The following SASH1 variants were observed in gnomAD, a reference collection of about 807,000 sequenced individuals.
SASH1 encodes the protein SAM and SH3 domain-containing protein 1.
A neutral mutation model predicts 125.2 loss-of-function variants in SASH1; 44 were observed. The ratio of observed to expected loss-of-function variants is 0.35; its 90% CI spans 0.28 to 0.45. The LOEUF (loss-of-function observed/expected upper bound fraction) is 0.45, where lower values mean the gene tolerates loss of function less well. SASH1 is among the 20% of genes least tolerant of loss of function. The probability of loss-of-function intolerance (pLI) is 1.00; values close to 1 mark genes in which losing one functional copy is unlikely to be tolerated. For synonymous variants in SASH1, 639 were observed against 649.1 expected, an observed-to-expected ratio of 0.98 and a Z score of 0.24; for missense variants, 1,426 against 1,614.5, an observed-to-expected ratio of 0.88 and a Z score of 2.00.
In SASH1 at chr6:148,453,684, G is replaced by A. The variant is rs181951255; in HGVS notation, c.386+13277G>A. Among the ~76,000 whole-genome samples, 12 of 152,302 alleles carry A rather than the reference G, an allele frequency of 7.9e-5. 1 individual carries two copies. Among genetic ancestry groups the A allele is most frequent in the Admixed American group, 5.2e-4 (8 of 15,304 alleles). On this transcript the variant is annotated intron_variant, in intron 4 of 19. Transcript: ENST00000367467. ...TAATTTGATAAGCATTTATCCAGCA[G>A]TAAGCCCTGGAAAGATGAGTAAGAT...
At chr6:148,227,046 C>T in the SASH1 span, among the ~76,000 whole-genome samples, 1 of 152,096 alleles carries the variant, frequency 6.6e-6, no homozygotes, top group Non-Finnish European at 1.5e-5. Context: ...GTTGGGGAGG[C>T]AACAATACCA....
chr6:148,412,157 A>G (rs2114912511), intron 2 of SASH1, among the ~76,000 whole-genome samples: 1 of 152,240 alleles, frequency 6.6e-6, no homozygotes, highest in South Asian at 2.1e-4. Context: ...TTTTTTTGCA[A>G]ATCAGAAGCA....
Position 148,287,697 on chromosome 6 carries a change from G to T in SASH1, n.74+15320G>T, listed in dbSNP as rs1455955427. ...GTAATCAGTGCGTGCGTGTGTGTGG[G>T]GGGGTGGGGGGTGGTATTCCTCTGT... On this transcript the variant is annotated intron_variant and non_coding_transcript_variant, in intron 1 of 3. Transcript: ENST00000367469. Among the ~76,000 whole-genome samples the T allele has an allele frequency of 1.3e-4, 11 of 84,510 alleles. No individual in the cohort carries two copies. The South Asian group carries it at 1.4e-3, about 11-fold the overall frequency. The allele number at this position is 84,510 out of a possible 152,430, so 55.4% of individuals were successfully genotyped here.
At chr6:148,280,343 T>A (rs1412007702) in intron 1 of SASH1, 1 of 152,082 alleles carries the variant, frequency 6.6e-6, no homozygotes, top group Non-Finnish European at 1.5e-5. Flanking sequence ...GCTATTCACC[T>A]GTCAGAGTTC....
intron 1 of SASH1, among the ~76,000 whole-genome samples, chr6:148,287,085 G>A (rs1779500452): frequency 6.6e-6 from 1 of 152,116 alleles, no homozygotes; most frequent in Non-Finnish European, 1.5e-5. Context: ...TGCCGTTCTT[G>A]CCCCAGGTCT....
chr6:148,464,774 A>G (rs970820558), intron 4 of SASH1, among the ~76,000 whole-genome samples: 5 of 152,180 alleles, frequency 3.3e-5, no homozygotes, highest in African/African-American at 1.2e-4. Flanking sequence ...GATTCAACGT[A>G]AAATTCAAAG....
intron 2 of SASH1, among the ~76,000 whole-genome samples, chr6:148,429,773 CAAAA>C (rs1353519358): frequency 1.4e-5 from 2 of 144,614 alleles, no homozygotes; most frequent in African/African-American, 2.6e-5. Flanking sequence ...AACAAACAAA[CAAAA>C]AAATCAATAG....
intron 1 of SASH1, among the ~76,000 whole-genome samples, chr6:148,301,761 T>C (rs1562313862): frequency 1.4e-5 from 2 of 147,618 alleles, no homozygotes. Context: ...TTTTTTTTTT[T>C]TTTTTGCAGT....
chr6:148,252,650 T>C, the SASH1 span, among the ~76,000 whole-genome samples: 4 of 152,138 alleles, frequency 2.6e-5, no homozygotes, highest in African/African-American at 9.7e-5. Flanking sequence ...GGCTATTTTT[T>C]GTATTTTTAG....
chr6:148,391,698 T>C (rs546461823), intron 2 of SASH1, among the ~76,000 whole-genome samples: 1 of 152,336 alleles, frequency 6.6e-6, no homozygotes, highest in East Asian at 1.9e-4. Flanking sequence ...TATATATAAT[T>C]TATATGTATA....
chr6:148,240,691 A>G, the SASH1 span, among the ~76,000 whole-genome samples: 20 of 152,124 alleles, frequency 1.3e-4, no homozygotes, highest in African/African-American at 4.8e-4. Flanking sequence ...GGCCAAGACG[A>G]CTCACAGTAT....
intron 1 of SASH1, among the ~76,000 whole-genome samples, chr6:148,275,329 G>A (rs1779156380): frequency 6.6e-6 from 1 of 152,098 alleles, no homozygotes; most frequent in South Asian, 2.1e-4. Flanking sequence ...CCTATTCTAG[G>A]TGCTTTGTCT....
the SASH1 span, among the ~76,000 whole-genome samples, chr6:148,259,216 C>T: frequency 2.0e-5 from 3 of 152,068 alleles, no homozygotes; most frequent in Non-Finnish European, 4.4e-5. Flanking sequence ...CCTAAAGATT[C>T]GGAAAGTTAA....
intron 4 of SASH1, among the ~76,000 whole-genome samples, chr6:148,449,761 G>A (rs1018822066): frequency 6.6e-6 from 1 of 152,196 alleles, no homozygotes; most frequent in Non-Finnish European, 1.5e-5. Flanking sequence ...CAAGAGCATG[G>A]CCCTGGCTTC....
intron 1 of SASH1, among the ~76,000 whole-genome samples, chr6:148,300,543 G>T (rs1172111043): frequency 6.7e-6 from 1 of 150,122 alleles, no homozygotes; most frequent in African/African-American, 2.5e-5. Context: ...CTGCCTCCCG[G>T]GTTCCAGTGA....
chr6:148,443,701 G>C (rs1275815493), intron 4 of SASH1, among the ~76,000 whole-genome samples: 1 of 151,846 alleles, frequency 6.6e-6, no homozygotes, highest in African/African-American at 2.4e-5. Context: ...AAGAGGTTTT[G>C]TGTTTAAATT....
chr6:148,516,996 T>C (rs1780479148), intron 9 of SASH1, among the ~76,000 whole-genome samples: 1 of 152,200 alleles, frequency 6.6e-6, no homozygotes, highest in Non-Finnish European at 1.5e-5. Context: ...ATTGGTGCCC[T>C]TTATCTGCCC....
At chr6:148,509,085 T>C (rs752844579) in intron 8 of SASH1, among the ~76,000 whole-genome samples, 5 of 152,070 alleles carry the variant, frequency 3.3e-5, no homozygotes, top group Non-Finnish European at 5.9e-5. Context: ...GCGTAACTTT[T>C]AGAGAATAGT....
chr6:148,351,818 G>A (rs867867512), intron 1 of SASH1, among the ~76,000 whole-genome samples: 1 of 104,676 alleles, frequency 9.6e-6, no homozygotes, highest in Non-Finnish European at 2.0e-5. Context: ...TTATGTGTGT[G>A]TGTGCTTTAA....
Sources: allele counts gnomAD v4.1 joint callset (sites outside exome capture counted in the v4.1 genomes callset), GRCh38; gene constraint gnomAD v4.1.1; transcripts MANE v1.5; gene names NCBI Gene and HGNC (gene_info 2026-07-23, HGNC 2026-07-21).